KLHL30: variants seen among roughly 807,000 people sequenced by gnomAD.
KLHL30 encodes kelch-like protein 30.
In KLHL30, 55 loss-of-function variants were observed where a neutral mutation model predicts 55.0. The observed-to-expected ratio is 1.00, with a 90% CI of 0.80 to 1.25. The LOEUF is 1.25. Among genes scored for constraint, KLHL30 ranks in the 50% most tolerant of loss-of-function variants. The probability of loss-of-function intolerance (pLI) is 0.00; values close to 1 mark genes in which losing one functional copy is unlikely to be tolerated. For synonymous variants in KLHL30, 356 were observed against 372.6 expected, an observed-to-expected ratio of 0.96 and a Z score of 0.51; for missense variants, 786 against 811.6, an observed-to-expected ratio of 0.97 and a Z score of 0.38.
chr2:238,140,325 G>T (rs577322255), intron 1 of KLHL30, among the ~76,000 whole-genome samples: 4 of 152,322 alleles, frequency 2.6e-5, no homozygotes, highest in Non-Finnish European at 4.4e-5. Flanking sequence ...GACGCCTCCC[G>T]GGAGTTTGGG....
In KLHL30 at chr2:238,145,813, G is replaced by A; in HGVS notation, c.1131G>A (p.Gly377=). ...ACCACGCCAGCGCGGCCCTCAATGG[G>A]GAGATCTACGTTATCGGCGGTGAGG... ...RTNHASAALN[G]EIYVIGGTTL... Residue 377 remains glycine, a synonymous_variant, in exon 5 of 8, where the codon GGG becomes GGA. Transcript: ENST00000409223. 3 of 1,606,158 alleles carry A rather than the reference G, an allele frequency of 1.9e-6. No homozygotes were observed. Among genetic ancestry groups the A allele is most frequent in the South Asian group, 2.2e-5 (2 of 89,574 alleles).
Position 238,140,767 on chromosome 2 carries a change from G to A in KLHL30, c.13G>A (p.Val5Met), listed in dbSNP as rs749885918. The change falls in exon 2 of 8, where the codon GTG becomes ATG. Residue 5 changes from valine (V) to methionine (M), a missense_variant. Val to Met is a conservative substitution (Grantham distance 21). Transcript: ENST00000409223. ...TGGGCACGGCGTCATGGTGCGGAACGTGGATGACCTGGATTTCCACCTGCC... is the reference window on the plus strand; with the variant it reads ...TGGGCACGGCGTCATGGTGCGGAACATGGATGACCTGGATTTCCACCTGCC... MVRN[V>M]DDLDFHLPSH... 7.4e-5 allele frequency: 114 copies of A among 1,537,596 alleles called. No homozygotes were observed. The highest frequency in any genetic ancestry group is 1.7e-4 in the South Asian group (14 of 82,098).
intron 5 of KLHL30, 82 bp downstream of exon 5, chr2:238,145,914 C>T: frequency 1.4e-6 from 2 of 1,416,074 alleles, no homozygotes; most frequent in Non-Finnish European, 9.4e-7. Flanking sequence ...GAGCCCCATG[C>T]TGGCCTCGGA....
intron 1 of KLHL30, among the ~76,000 whole-genome samples, chr2:238,139,511 G>T (rs571025139): frequency 6.6e-6 from 1 of 152,298 alleles, no homozygotes; most frequent in East Asian, 1.9e-4. Context: ...GGTCCGCGAG[G>T]CCCTGTGGGC....
rs1559275893 is a variant in KLHL30 at position 238,144,410 on chromosome 2, G to GGAAA, written c.908-489_908-488insAGAA. 2.2e-3 allele frequency among the ~76,000 whole-genome samples: 279 copies of GGAAA among 127,470 alleles called. 2 individuals are homozygous for GGAAA. The highest frequency in any genetic ancestry group is 8.3e-3 in the African/African-American group (266 of 31,988). The allele number at this position is 127,470 out of a possible 152,430, so 83.6% of individuals were successfully genotyped here. ...AGGAAGGAAGGAAGGAAGGAAGGAA[G>GGAAA]GAAGGAAGGAAGGAAGGAAGGAAGG... On this transcript the variant is annotated intron_variant, in intron 3 of 7. Coordinates refer to ENST00000409223, the MANE Select transcript of KLHL30 (RefSeq NM_198582.4).
chr2:238,144,400 A>AGGCAGGCAGGC (rs1692598331), intron 3 of KLHL30, among the ~76,000 whole-genome samples: 1 of 110,896 alleles, frequency 9.0e-6, no homozygotes, highest in Non-Finnish European at 1.8e-5. Flanking sequence ...GGAAGGAAGG[A>AGGCAGGCAGGC]AGGAAGGAAG....
chr2:238,148,993 C>T lies in KLHL30; in HGVS notation c.1340-14C>T, dbSNP rs376093098. The T allele has an allele frequency of 9.5e-6, 15 of 1,575,788 alleles. No homozygotes were observed. In the African/African-American group the frequency reaches 1.3e-4, roughly 14 times the overall value. On this transcript the variant is annotated splice_polypyrimidine_tract_variant and intron_variant, in intron 6 of 7. Coordinates refer to ENST00000409223, the MANE Select transcript of KLHL30 (RefSeq NM_198582.4). Reference sequence around the variant, plus strand: ...AACCCTGGTGACGGTGGCCAGTGCCCGTGCCCCCCACAGATGCGTGGAGTG... The same window carrying T: ...AACCCTGGTGACGGTGGCCAGTGCCTGTGCCCCCCACAGATGCGTGGAGTG...
At chr2:238,144,390 G>GGAAGGAAGGAAGGAAGGAAT (rs1692596457) in intron 3 of KLHL30, among the ~76,000 whole-genome samples, 1 of 71,062 alleles carries the variant, frequency 1.4e-5, no homozygotes, top group Non-Finnish European at 3.1e-5. Context: ...AAGGAAGGAA[G>GGAAGGAAGGAAGGAAGGAAT]GAAGGAAGGA....
At chr2:238,150,059 C>G (rs886766191) in intron 7 of KLHL30, among the ~76,000 whole-genome samples, 2 of 152,192 alleles carry the variant, frequency 1.3e-5, no homozygotes, top group Non-Finnish European at 2.9e-5. Context: ...GCTCAGCTGA[C>G]CCAGGGCCCC....
chr2:238,139,134 G>A (rs950423077), intron 1 of KLHL30, among the ~76,000 whole-genome samples: 5 of 152,192 alleles, frequency 3.3e-5, no homozygotes, highest in Non-Finnish European at 5.9e-5. Context: ...AGGAAGCCCC[G>A]ACCCATGCAG....
chr2:238,139,714 G>T (rs980644097), intron 1 of KLHL30, among the ~76,000 whole-genome samples: 1 of 152,184 alleles, frequency 6.6e-6, no homozygotes, highest in Non-Finnish European at 1.5e-5. Context: ...CTGTGGACGC[G>T]CGGCCGCCTC....
chr2:238,149,020 G>C lies in KLHL30; in HGVS notation c.1353G>C (p.Val451=). The C allele has an allele frequency of 6.2e-7, 1 of 1,603,804 alleles. No individual in the cohort carries two copies. The highest frequency in any genetic ancestry group is 8.5e-7 in the Non-Finnish European group (1 of 1,175,514). The part of the protein sequence containing the change: ...CYNPVTDAWS[V]IASPFLPKYL... Reference sequence around the variant, plus strand: ...TGCCCCCCACAGATGCGTGGAGTGTGATCGCCTCGCCCTTCCTGCCCAAGT... The same window carrying C: ...TGCCCCCCACAGATGCGTGGAGTGTCATCGCCTCGCCCTTCCTGCCCAAGT... Residue 451 remains valine (V), a synonymous_variant, in exon 7 of 8, where the codon GTG becomes GTC. Transcript: ENST00000409223.
chr2:238,141,077 G>T lies in KLHL30; in HGVS notation c.323G>T (p.Arg108Leu), dbSNP rs199604026. 4 of 1,609,156 alleles carry T rather than the reference G, an allele frequency of 2.5e-6. No homozygotes were observed. Among genetic ancestry groups the T allele is most frequent in the East Asian group, 2.2e-5 (1 of 44,756 alleles). The part of the protein sequence containing the change: ...ITQGNVEALT[R>L]TAARLHFPSV... ...CAGGGCAACGTGGAGGCGCTGACAC[G>T]CACGGCTGCGCGCCTGCACTTCCCC... is the stretch of plus-strand genomic sequence containing the variant. The change falls in exon 2 of 8, where the codon CGC becomes CTC. Residue 108 changes from arginine to leucine, a missense_variant. Coordinates refer to ENST00000409223, the MANE Select transcript of KLHL30 (RefSeq NM_198582.4).
chr2:238,145,651 C>A, intron 4 of KLHL30, 26 bp from the exon 5 acceptor site: 1 of 1,562,876 alleles, frequency 6.4e-7, no homozygotes, highest in Non-Finnish European at 8.7e-7. Context: ...TGGTGGCACC[C>A]ATGTAGACAG....
At chr2:238,148,192 C>T (rs1414372088) in intron 6 of KLHL30, among the ~76,000 whole-genome samples, 170 bp downstream of exon 6, 1 of 152,164 alleles carries the variant, frequency 6.6e-6, no homozygotes, top group African/African-American at 2.4e-5. Context: ...TGGAGGAAGG[C>T]AGGGGCCTAA....
Position 238,140,924 on chromosome 2 carries a change from A to C in KLHL30, c.170A>C (p.Tyr57Ser). 9 of 1,611,056 alleles carry C rather than the reference A, an allele frequency of 5.6e-6. No individual in the cohort carries two copies. The highest frequency in any genetic ancestry group is 7.6e-6 in the Non-Finnish European group (9 of 1,178,638). ...GGCCTCCTGGCGCTCAGCAGCCCCTACTTCCATGCCATGTTTGCGGGTGAC... is the reference window on the plus strand; with the variant it reads ...GGCCTCCTGGCGCTCAGCAGCCCCTCCTTCCATGCCATGTTTGCGGGTGAC... ...HRGLLALSSPYFHAMFAGDFA... is the reference protein window; with the variant it reads ...HRGLLALSSPSFHAMFAGDFA... Residue 57 changes from tyrosine (Y) to serine (S), a missense_variant, in exon 2 of 8, where the codon TAC becomes TCC. Coordinates refer to ENST00000409223, the MANE Select transcript of KLHL30 (RefSeq NM_198582.4).
At chr2:238,143,352 A>T (rs1479347382) in intron 3 of KLHL30, among the ~76,000 whole-genome samples, 1 of 152,226 alleles carries the variant, frequency 6.6e-6, no homozygotes, top group Non-Finnish European at 1.5e-5. Flanking sequence ...AGGCAGCTGG[A>T]GGAGCGAGAA....
intron 3 of KLHL30, among the ~76,000 whole-genome samples, chr2:238,144,432 A>AAGGAAGGAATGAAGGAAGGCAGGC (rs1692608040): frequency 2.4e-5 from 2 of 82,380 alleles, no homozygotes; most frequent in Non-Finnish European, 5.2e-5. Flanking sequence ...GGAAGGAAGG[A>AAGGAAGGAATGAAGGAAGGCAGGC]AGGCAGGCAG....
At chr2:238,144,432 A>AAGGCAGGC (rs1165549782) in intron 3 of KLHL30, among the ~76,000 whole-genome samples, 1,041 of 82,352 alleles carry the variant, frequency 0.013, 12 homozygotes, top group Non-Finnish European at 0.015. Flanking sequence ...GGAAGGAAGG[A>AAGGCAGGC]AGGCAGGCAG....
Sources: allele counts gnomAD v4.1 joint callset (sites outside exome capture counted in the v4.1 genomes callset), GRCh38; gene constraint gnomAD v4.1.1; transcripts MANE v1.5; gene names NCBI Gene and HGNC (gene_info 2026-07-23, HGNC 2026-07-21).